Variants in TM4SF20 observed in about 807,000 individuals in gnomAD.
The protein encoded by TM4SF20 is transmembrane 4 L6 family member 20.
TM4SF20 carries 13 observed loss-of-function variants against 15.1 expected under a neutral mutation model. That is an observed-to-expected ratio of 0.86 (90% confidence interval 0.56 to 1.36). The LOEUF (loss-of-function observed/expected upper bound fraction) is 1.36, where lower values mean the gene tolerates loss of function less well. Among genes scored for constraint, TM4SF20 ranks in the 40% most tolerant of loss-of-function variants. The pLI is 0.00. For missense variants in TM4SF20, 282 were observed against 268.4 expected (o/e 1.05, Z -0.35); for synonymous variants, 92 against 96.6 (o/e 0.95, Z 0.28).
chr2:227,379,617 A>G (rs1322025573), upstream of TM4SF20, among the ~76,000 whole-genome samples: 1 of 152,222 alleles, frequency 6.6e-6, no homozygotes, highest in Non-Finnish European at 1.5e-5. Context: ...TTCCTGTTCT[A>G]TCGATATTAT....
upstream of TM4SF20, chr2:227,379,381 G>A: frequency 1.1e-6 from 1 of 919,628 alleles, no homozygotes; most frequent in East Asian, 2.5e-5. Context: ...ATGAATAGTG[G>A]AAAATAGTTC....
chr2:227,368,314 C>T (rs1236981837), intron 2 of TM4SF20, among the ~76,000 whole-genome samples: 10 of 131,814 alleles, frequency 7.6e-5, no homozygotes, highest in Non-Finnish European at 1.6e-4. Flanking sequence ...TGAGCCACCA[C>T]GCCTGGCCGC....
chr2:227,365,999 A>T (rs2076390640), intron 3 of TM4SF20, 94 bp downstream of exon 3: 16 of 1,320,672 alleles, frequency 1.2e-5, no homozygotes, highest in Non-Finnish European at 1.6e-5. Flanking sequence ...AGTTGCATCA[A>T]ATAAAAACAT....
In TM4SF20 at chr2:227,363,883, G is replaced by C. The variant is rs370110647; in HGVS notation, c.531C>G (p.Phe177Leu). The part of the protein sequence containing the change: ...ASGWRASSFH[F>L]DSEENKHRLI... ...GCCTATGTTTGTTTTCTTCAGAATC[G>C]AAGTGGAAACTAGATGCTCTCCAGC... is the stretch of plus-strand genomic sequence containing the variant. Residue 177 changes from phenylalanine to leucine, a missense_variant, in exon 4 of 4, where the codon TTC becomes TTG. Transcript: ENST00000304568. 6.2e-7 allele frequency: 1 copy of C among 1,614,076 alleles called. No homozygotes were observed. Among genetic ancestry groups the C allele is most frequent in the Non-Finnish European group, 8.5e-7 (1 of 1,180,022 alleles).
chr2:227,368,989 G>A (rs1362428026), intron 2 of TM4SF20, among the ~76,000 whole-genome samples: 1 of 152,174 alleles, frequency 6.6e-6, no homozygotes, highest in African/African-American at 2.4e-5. Context: ...GCCTATATAA[G>A]TGTTTTGATA....
chr2:227,371,655 T>G (rs1016737018), intron 1 of TM4SF20, among the ~76,000 whole-genome samples: 1 of 152,214 alleles, frequency 6.6e-6, no homozygotes, highest in African/African-American at 2.4e-5. Context: ...TATGGATTAT[T>G]CTGGCAAACC....
chr2:227,369,444 T>TG (rs1434298980), intron 2 of TM4SF20, among the ~76,000 whole-genome samples: 6 of 151,322 alleles, frequency 4.0e-5, no homozygotes, highest in Non-Finnish European at 3.0e-5. Flanking sequence ...TTTTTTTTTT[T>TG]TGAGAGAGTC....
chr2:227,378,945 A>G (rs1458942172), intron 1 of TM4SF20, 141 bp downstream of exon 1: 2 of 744,934 alleles, frequency 2.7e-6, no homozygotes, highest in East Asian at 2.7e-5. Flanking sequence ...CTGATGACCA[A>G]TATAAATTAA....
upstream of TM4SF20, among the ~76,000 whole-genome samples, chr2:227,381,268 C>T (rs1284997526): frequency 2.0e-5 from 3 of 151,750 alleles, no homozygotes; most frequent in African/African-American, 7.3e-5. Context: ...GAGAGTGAGA[C>T]GCCATCTTAA....
intron 2 of TM4SF20, among the ~76,000 whole-genome samples, chr2:227,368,355 A>ATATATAT (rs397988096): frequency 2.3e-5 from 3 of 132,038 alleles, no homozygotes; most frequent in Admixed American, 7.7e-5. Context: ...ATATATATAT[A>ATATATAT]ATTTTTTGTT....
intron 2 of TM4SF20, among the ~76,000 whole-genome samples, chr2:227,369,238 A>C (rs1398927893): frequency 1.3e-5 from 2 of 152,216 alleles, no homozygotes; most frequent in African/African-American, 2.4e-5. Context: ...GAAAAAGGGT[A>C]ATTTTTAAAA....
intron 2 of TM4SF20, among the ~76,000 whole-genome samples, chr2:227,368,335 T>TATATATATATATGTA (rs1553786651): frequency 8.1e-6 from 1 of 122,726 alleles, no homozygotes; most frequent in Non-Finnish European, 1.7e-5. Flanking sequence ...CATCTATTAT[T>TATATATATATATGTA]TATATATATA....
At chr2:227,368,276 G>A (rs906079272) in intron 2 of TM4SF20, among the ~76,000 whole-genome samples, 5 of 147,694 alleles carry the variant, frequency 3.4e-5, no homozygotes, top group Non-Finnish European at 4.5e-5. Flanking sequence ...GCCCGCCTCA[G>A]CCTCCCAAAG....
At chr2:227,366,272 C>T (rs376416765) in intron 2 of TM4SF20, 28 bp from the exon 3 acceptor site, 3 of 1,594,094 alleles carry the variant, frequency 1.9e-6, no homozygotes, top group Non-Finnish European at 2.6e-6. Context: ...GCCATTTGCA[C>T]ATGTTATGAC....
chr2:227,378,129 A>G lies in TM4SF20; in HGVS notation c.183+957T>C, dbSNP rs187709463. ...ACACACACACATTCATTTATTTGGCACTAACTAAACCCCCTAGTGGCATAA... is the reference window on the plus strand; with the variant it reads ...ACACACACACATTCATTTATTTGGCGCTAACTAAACCCCCTAGTGGCATAA... On this transcript the variant is annotated intron_variant, in intron 1 of 3. Coordinates refer to ENST00000304568, the MANE Select transcript of TM4SF20 (RefSeq NM_024795.4). Among the ~76,000 whole-genome samples, 5 of 151,998 alleles carry G rather than the reference A, an allele frequency of 3.3e-5. 1 individual carries two copies. Among genetic ancestry groups the G allele is most frequent in the African/African-American group, 1.2e-4 (5 of 41,448 alleles).
At chr2:227,373,260 T>C (rs1418565238) in intron 1 of TM4SF20, among the ~76,000 whole-genome samples, 2 of 149,982 alleles carry the variant, frequency 1.3e-5, no homozygotes, top group Middle Eastern at 3.4e-3. Context: ...TCTGATGATG[T>C]ACTGCCTCCA....
intron 3 of TM4SF20, among the ~76,000 whole-genome samples, chr2:227,365,332 C>T (rs778123957): frequency 1.3e-5 from 2 of 152,144 alleles, no homozygotes; most frequent in Non-Finnish European, 2.9e-5. Flanking sequence ...AAAGTAAATT[C>T]TGGTTATTTG....
chr2:227,378,370 A>C (rs1334431929), intron 1 of TM4SF20, among the ~76,000 whole-genome samples: 4 of 152,204 alleles, frequency 2.6e-5, no homozygotes, highest in African/African-American at 4.8e-5. Flanking sequence ...TTCTCAGGAG[A>C]AAATCCGTAA....
At chr2:227,371,450 C>T (rs1255005272) in intron 1 of TM4SF20, among the ~76,000 whole-genome samples, 1 of 152,160 alleles carries the variant, frequency 6.6e-6, no homozygotes, top group Non-Finnish European at 1.5e-5. Flanking sequence ...AAATAATCCT[C>T]CTGCCTTAGC....
Sources: gnomAD v4.1 joint callset for allele counts (sites outside exome capture counted in the v4.1 genomes callset) on GRCh38, gnomAD v4.1.1 for gene constraint, MANE v1.5 for transcripts, NCBI Gene and HGNC (gene_info 2026-07-23, HGNC 2026-07-21) for gene names.